EFR3B: variants seen among roughly 807,000 people sequenced by gnomAD.
EFR3B encodes the protein protein EFR3 homolog B.
In EFR3B, 64 loss-of-function variants were observed where a neutral mutation model predicts 104.7. The observed-to-expected ratio is 0.61, with a 90% CI of 0.50 to 0.75. The LOEUF (loss-of-function observed/expected upper bound fraction) is 0.75, where lower values mean the gene tolerates loss of function less well. Among genes scored for constraint, EFR3B ranks in the 30% least tolerant of loss-of-function variants. The probability of loss-of-function intolerance (pLI) is 0.00; values close to 1 mark genes in which losing one functional copy is unlikely to be tolerated. For missense variants in EFR3B, 750 were observed against 1,078.5 expected (o/e 0.70, Z 4.27); for synonymous variants, 385 against 417.9 (o/e 0.92, Z 0.96).
intron 18 of EFR3B, among the ~76,000 whole-genome samples, chr2:25,144,122 G>A (rs1670752510): frequency 6.6e-6 from 1 of 152,204 alleles, no homozygotes; most frequent in South Asian, 2.1e-4. Flanking sequence ...GTGCTGGAAA[G>A]AGCATATATG....
intron 20 of EFR3B, among the ~76,000 whole-genome samples, 184 bp downstream of exon 20, chr2:25,149,926 C>T (rs1670954168): frequency 6.6e-6 from 1 of 152,252 alleles, no homozygotes; most frequent in Non-Finnish European, 1.5e-5. Context: ...AATATCCCTG[C>T]TCTCCTGATG....
At chr2:25,053,650 A>G (rs1404125881) in intron 1 of EFR3B, among the ~76,000 whole-genome samples, 2 of 152,204 alleles carry the variant, frequency 1.3e-5, no homozygotes, top group Non-Finnish European at 2.9e-5. Context: ...CACGCCTGCA[A>G]TCCAAGCACT....
At chr2:25,125,094 A>C (rs1670128316) in intron 5 of EFR3B, among the ~76,000 whole-genome samples, 1 of 152,186 alleles carries the variant, frequency 6.6e-6, no homozygotes, top group African/African-American at 2.4e-5. Flanking sequence ...AAGAGTAAGA[A>C]GCTTCCTCCC....
chr2:25,075,734 C>T (rs1406132548), intron 1 of EFR3B, among the ~76,000 whole-genome samples: 1 of 152,122 alleles, frequency 6.6e-6, no homozygotes, highest in Non-Finnish European at 1.5e-5. Flanking sequence ...GGTTTAGTGC[C>T]ATCTGTAAAA....
chr2:25,060,127 C>T (rs1419559319), intron 1 of EFR3B, among the ~76,000 whole-genome samples: 5 of 152,018 alleles, frequency 3.3e-5, no homozygotes, highest in South Asian at 2.1e-4. Flanking sequence ...ACCTGGGAGG[C>T]GGAGGTTGCA....
At chr2:25,047,350 C>G (rs916272702) in intron 1 of EFR3B, among the ~76,000 whole-genome samples, 1 of 152,108 alleles carries the variant, frequency 6.6e-6, no homozygotes, top group Admixed American at 6.5e-5. Flanking sequence ...AATCTTGAAC[C>G]TGAGCATTTC....
intron 4 of EFR3B, among the ~76,000 whole-genome samples, chr2:25,115,253 A>G (rs1227830725): frequency 1.3e-5 from 2 of 152,210 alleles, no homozygotes; most frequent in Non-Finnish European, 2.9e-5. Flanking sequence ...GTAGGATGGC[A>G]GTAGGCTGGA....
chr2:25,121,614 G>A, intron 4 of EFR3B, 59 bp from the exon 5 acceptor site: 4 of 1,545,344 alleles, frequency 2.6e-6, no homozygotes, highest in Non-Finnish European at 2.6e-6. Context: ...GGGATGCCCA[G>A]CAGTGAGAAG....
intron 1 of EFR3B, chr2:25,058,023 A>AC (rs1259826217): frequency 6.6e-6 from 1 of 152,168 alleles, no homozygotes; most frequent in African/African-American, 2.4e-5. Context: ...TCTTCAAAAA[A>AC]GATATGTAGC....
chr2:25,104,439 A>G (rs1669508682), intron 4 of EFR3B, among the ~76,000 whole-genome samples: 1 of 152,192 alleles, frequency 6.6e-6, no homozygotes, highest in Non-Finnish European at 1.5e-5. Context: ...AACACCATCT[A>G]ATGTGTTTAG....
rs113749302 is a variant in EFR3B at position 25,120,645 on chromosome 2, A to AAACAACAAC, written c.364-1017_364-1009dup. Among the ~76,000 whole-genome samples the AAACAACAAC allele has an allele frequency of 2.7e-3, 412 of 151,656 alleles. 1 individual carries two copies. The highest frequency in any genetic ancestry group is 9.6e-3 in the African/African-American group (397 of 41,290). On this transcript the variant is annotated intron_variant, in intron 4 of 22. Coordinates refer to ENST00000403714, the MANE Select transcript of EFR3B (RefSeq NM_014971.2). ...GCGACAGAGCAAGACTCCGTCTCAA[A>AAACAACAAC]AACAACAACAACAACAACAGCAACA...
chr2:25,078,358 C>T (rs1038967450), intron 1 of EFR3B, among the ~76,000 whole-genome samples: 1 of 152,188 alleles, frequency 6.6e-6, no homozygotes, highest in African/African-American at 2.4e-5. Context: ...AAAAAGAATT[C>T]CATTTGCTTT....
intron 1 of EFR3B, among the ~76,000 whole-genome samples, chr2:25,051,697 G>A (rs71439154): frequency 7.6e-5 from 11 of 145,392 alleles, no homozygotes; most frequent in East Asian, 2.1e-4. Context: ...GCTCAGTGGC[G>A]CAATCTCAGC....
intron 1 of EFR3B, among the ~76,000 whole-genome samples, chr2:25,067,728 C>T (rs1420994802): frequency 6.6e-6 from 1 of 152,124 alleles, no homozygotes; most frequent in African/African-American, 2.4e-5. Context: ...CTGTCTGGGG[C>T]GGTGCTCAGA....
intron 4 of EFR3B, among the ~76,000 whole-genome samples, chr2:25,105,602 C>T (rs1287686503): frequency 6.6e-6 from 1 of 152,248 alleles, no homozygotes; most frequent in Admixed American, 6.5e-5. Context: ...TGGGAGCCAG[C>T]TGCCTTTGAC....
At chr2:25,053,939 A>G (rs142170899) in intron 1 of EFR3B, among the ~76,000 whole-genome samples, 60 of 152,218 alleles carry the variant, frequency 3.9e-4, no homozygotes, top group Non-Finnish European at 6.8e-4. Flanking sequence ...CACACAAACA[A>G]AAAATTCCTT....
rs773689907 is a variant in EFR3B, at chr2:25,153,772, A to T, written c.2348+11A>T. 1 of 1,551,618 alleles carries T rather than the reference A, an allele frequency of 6.4e-7. No homozygotes were observed. The highest frequency in any genetic ancestry group is 8.7e-7 in the Non-Finnish European group (1 of 1,146,988). ...TGAAATCACCATCCGGTAAGTGACA[A>T]CCCTGGGCAGGGGACCCTGACCTCC... On this transcript the variant is annotated intron_variant, in intron 22 of 22. Transcript: ENST00000403714.
intron 1 of EFR3B, among the ~76,000 whole-genome samples, chr2:25,070,962 C>A (rs1317753327): frequency 6.6e-6 from 1 of 152,222 alleles, no homozygotes; most frequent in Non-Finnish European, 1.5e-5. Context: ...AAGCTCTTTT[C>A]TTTTCTTTTC....
At chr2:25,071,150 CG>C (rs1292650826) in intron 1 of EFR3B, among the ~76,000 whole-genome samples, 9 of 152,022 alleles carry the variant, frequency 5.9e-5, no homozygotes, top group Non-Finnish European at 1.3e-4. Flanking sequence ...TTAGTAGAGA[CG>C]GGGTTTCACT....
Sources: gnomAD v4.1 joint callset for allele counts (sites outside exome capture counted in the v4.1 genomes callset) on GRCh38, gnomAD v4.1.1 for gene constraint, MANE v1.5 for transcripts, NCBI Gene and HGNC (gene_info 2026-07-23, HGNC 2026-07-21) for gene names.